Variants in HPSE2 observed in about 807,000 individuals in gnomAD.
HPSE2 encodes inactive heparanase-2.
Under a neutral mutation model 60.5 loss-of-function variants are expected in HPSE2, and 38 were observed. The ratio of observed to expected loss-of-function variants is 0.63; its 90% CI spans 0.48 to 0.82. HPSE2 has a LOEUF of 0.82. HPSE2 is among the 40% of genes least tolerant of loss of function. The pLI is 0.00. For missense variants in HPSE2, 713 were observed against 740.4 expected (o/e 0.96, Z 0.43); for synonymous variants, 295 against 293.2 (o/e 1.01, Z -0.06).
At chr10:99,045,559 C>T (rs1957835984) in intron 3 of HPSE2, among the ~76,000 whole-genome samples, 1 of 151,526 alleles carries the variant, frequency 6.6e-6, no homozygotes, top group Non-Finnish European at 1.5e-5. Flanking sequence ...ATTCATTCTC[C>T]AAAAAAATAA....
At chr10:99,258,960 C>G in the HPSE2 span, among the ~76,000 whole-genome samples, 1 of 152,084 alleles carries the variant, frequency 6.6e-6, no homozygotes, top group African/African-American at 2.4e-5. Context: ...GGAATATTCT[C>G]TTAGATGCAA....
At chr10:98,527,375 CT>C (rs911301995) in intron 9 of HPSE2, among the ~76,000 whole-genome samples, 2 of 152,198 alleles carry the variant, frequency 1.3e-5, no homozygotes, top group African/African-American at 4.8e-5. Context: ...TGATCTGCCC[CT>C]GCTCAGCTCT....
chr10:98,817,129 C>T (rs1196159628), intron 3 of HPSE2, among the ~76,000 whole-genome samples: 2 of 152,066 alleles, frequency 1.3e-5, no homozygotes, highest in Non-Finnish European at 2.9e-5. Flanking sequence ...CATTTGTGCC[C>T]ACAAAGGCTT....
At chr10:99,015,657 G>A (rs1458928708) in intron 3 of HPSE2, among the ~76,000 whole-genome samples, 5 of 151,590 alleles carry the variant, frequency 3.3e-5, no homozygotes, top group Non-Finnish European at 5.9e-5. Context: ...ATCAAACACC[G>A]GGGCCTGTTG....
intron 2 of HPSE2, among the ~76,000 whole-genome samples, chr10:99,219,139 T>C (rs2133925788): frequency 6.6e-6 from 1 of 152,338 alleles, no homozygotes; most frequent in East Asian, 1.9e-4. Context: ...TCCCTCTCAC[T>C]GGGTGCATTG....
intron 3 of HPSE2, among the ~76,000 whole-genome samples, chr10:98,744,430 G>A (rs1949576869): frequency 6.6e-6 from 1 of 152,142 alleles, no homozygotes; most frequent in African/African-American, 2.4e-5. Flanking sequence ...AGAAGGCTGA[G>A]GCAGGAGAAT....
chr10:99,013,453 A>T (rs1019124267), intron 3 of HPSE2: 6 of 481,054 alleles, frequency 1.2e-5, no homozygotes, highest in African/African-American at 4.1e-5. Flanking sequence ...CCATTAGGAA[A>T]TGTATATTAT....
intron 10 of HPSE2, among the ~76,000 whole-genome samples, chr10:98,484,638 T>C (rs1244978389): frequency 6.6e-6 from 1 of 152,228 alleles, no homozygotes; most frequent in Non-Finnish European, 1.5e-5. Context: ...TTCAGTTTAT[T>C]TACATTGTAT....
intron 3 of HPSE2, among the ~76,000 whole-genome samples, chr10:99,076,408 T>C (rs894172345): frequency 1.2e-4 from 18 of 152,186 alleles, no homozygotes; most frequent in Non-Finnish European, 7.3e-5. Context: ...TTCTTTTTGA[T>C]ACATAGTTTT....
intron 3 of HPSE2, among the ~76,000 whole-genome samples, chr10:98,782,926 A>ATTTTTTTTTTTTTTTTTT: frequency 8.0e-6 from 1 of 124,524 alleles, no homozygotes; most frequent in African/African-American, 3.1e-5. Context: ...TTTTTTTTTT[A>ATTTTTTTTTTTTTTTTTT]TTTTTTTTTT....
At chr10:98,989,179 A>G (rs1387059307) in intron 3 of HPSE2, among the ~76,000 whole-genome samples, 3 of 152,178 alleles carry the variant, frequency 2.0e-5, no homozygotes, top group African/African-American at 7.2e-5. Flanking sequence ...TCATGCTGCT[A>G]TAAAGACACA....
intron 9 of HPSE2, among the ~76,000 whole-genome samples, chr10:98,506,621 T>C (rs984557744): frequency 4.6e-5 from 7 of 152,110 alleles, no homozygotes; most frequent in African/African-American, 1.4e-4. Flanking sequence ...TATACCCAGC[T>C]AACTTTTAAT....
At chr10:98,732,820 A>C (rs1949260426) in intron 4 of HPSE2, among the ~76,000 whole-genome samples, 1 of 152,216 alleles carries the variant, frequency 6.6e-6, no homozygotes, top group Non-Finnish European at 1.5e-5. Context: ...GATGCCATCA[A>C]GTTACAAAAG....
intron 4 of HPSE2, 98 bp from the exon 5 acceptor site, chr10:98,721,926 G>GAAA: frequency 2.6e-6 from 2 of 781,874 alleles, no homozygotes; most frequent in East Asian, 2.9e-5. Flanking sequence ...TTAATAATAT[G>GAAA]AAAAAAAAAA....
intron 2 of HPSE2, among the ~76,000 whole-genome samples, chr10:99,179,748 GA>G (rs149955639): frequency 1.6e-4 from 24 of 146,644 alleles, no homozygotes; most frequent in African/African-American, 5.1e-4. Context: ...CACAGAATGA[GA>G]AAAAAAAAAA....
At chr10:98,574,940 G>A (rs891535574) in intron 9 of HPSE2, among the ~76,000 whole-genome samples, 1 of 152,170 alleles carries the variant, frequency 6.6e-6, no homozygotes, top group African/African-American at 2.4e-5. Context: ...CACAGATTTA[G>A]TGGAGTGGAT....
chr10:99,068,255 T>G (rs866896749), intron 3 of HPSE2, among the ~76,000 whole-genome samples: 1 of 152,286 alleles, frequency 6.6e-6, no homozygotes, highest in Middle Eastern at 3.4e-3. Flanking sequence ...CATTTTCAGG[T>G]ATTTTTACAG....
chr10:98,971,530 A>G (rs1336151517), intron 3 of HPSE2, among the ~76,000 whole-genome samples: 3 of 152,166 alleles, frequency 2.0e-5, no homozygotes, highest in Non-Finnish European at 4.4e-5. Context: ...TTATCTGAGC[A>G]TGTATTTTTA....
chr10:99,057,374 T>C (rs1017433802), intron 3 of HPSE2, among the ~76,000 whole-genome samples: 2 of 152,086 alleles, frequency 1.3e-5, no homozygotes, highest in Non-Finnish European at 2.9e-5. Flanking sequence ...AAATGAAAGA[T>C]TCTAAAATCC....
Sources: gnomAD v4.1 joint callset for allele counts (sites outside exome capture counted in the v4.1 genomes callset) on GRCh38, gnomAD v4.1.1 for gene constraint, MANE v1.5 for transcripts, NCBI Gene and HGNC (gene_info 2026-07-23, HGNC 2026-07-21) for gene names.